LAPTM4B: variants seen among roughly 807,000 people sequenced by gnomAD.
LAPTM4B encodes lysosomal-associated transmembrane protein 4B.
LAPTM4B carries 26 observed loss-of-function variants against 28.5 expected under a neutral mutation model. That is an observed-to-expected ratio of 0.91 (90% confidence interval 0.67 to 1.27). The LOEUF (loss-of-function observed/expected upper bound fraction) is 1.27, where lower values mean the gene tolerates loss of function less well. LAPTM4B is among the 50% of genes most tolerant of loss of function. The pLI, the probability that LAPTM4B is intolerant of heterozygous loss-of-function variation, is 0.00. For missense variants in LAPTM4B, 288 were observed against 285.8 expected (o/e 1.01, Z -0.06); for synonymous variants, 109 against 106.4 (o/e 1.02, Z -0.15).
At chr8:97,786,327 C>T (rs1816399050) in intron 1 of LAPTM4B, among the ~76,000 whole-genome samples, 1 of 151,294 alleles carries the variant, frequency 6.6e-6, no homozygotes, top group African/African-American at 2.4e-5. Flanking sequence ...GAAATTGTTT[C>T]TCAGGAAAAT....
chr8:97,805,342 T>TTTC lies in LAPTM4B; in HGVS notation c.100-11_100-10insTTC. 1 of 1,404,822 alleles carries TTTC rather than the reference T, an allele frequency of 7.1e-7. No individual in the cohort carries two copies. The highest frequency in any genetic ancestry group is 9.9e-7 in the Non-Finnish European group (1 of 1,013,168). 87.0% of individuals were successfully genotyped at this position (1,404,822 alleles called of 1,614,324 possible). On this transcript the variant is annotated splice_polypyrimidine_tract_variant and intron_variant, in intron 1 of 6. Coordinates refer to ENST00000521545, the MANE Select transcript of LAPTM4B (RefSeq NM_018407.6). ...TTAAATTCTTTTTTTTTTTTTTTTT[T>TTTC]CTTGTTGCAGATCATCAATGCTGTG...
chr8:97,845,861 C>A (rs866835258), intron 6 of LAPTM4B, among the ~76,000 whole-genome samples: 2 of 32,466 alleles, frequency 6.2e-5, no homozygotes, highest in African/African-American at 1.2e-4. Context: ...CTTTTCCCCC[C>A]CCTTCCACTC....
intron 2 of LAPTM4B, among the ~76,000 whole-genome samples, chr8:97,806,847 C>A (rs1352452004): frequency 6.6e-6 from 1 of 152,096 alleles, no homozygotes; most frequent in South Asian, 2.1e-4. Flanking sequence ...ATCCCAGCTA[C>A]TTGGGAGGCT....
intron 5 of LAPTM4B, among the ~76,000 whole-genome samples, chr8:97,823,467 C>G (rs2129810346): frequency 6.6e-6 from 1 of 151,650 alleles, no homozygotes; most frequent in Non-Finnish European, 1.5e-5. Context: ...CTCCACCTCC[C>G]AGGTTCACTT....
At chr8:97,786,106 T>A (rs1378735574) in intron 1 of LAPTM4B, among the ~76,000 whole-genome samples, 1 of 152,182 alleles carries the variant, frequency 6.6e-6, no homozygotes, top group Non-Finnish European at 1.5e-5. Flanking sequence ...CTAGTGGAAA[T>A]AATGTGTGAG....
intron 6 of LAPTM4B, among the ~76,000 whole-genome samples, chr8:97,837,493 G>A (rs536850533): frequency 2.0e-5 from 3 of 152,218 alleles, no homozygotes; most frequent in East Asian, 1.9e-4. Context: ...TATTACTTCC[G>A]AGTATAGTTT....
Position 97,815,408 on chromosome 8 carries a change from C to A in LAPTM4B, c.285+7C>A, listed in dbSNP as rs7818662. ...TACTTACGGAGCGTACAAGGTAAGC[C>A]GCTTGCAGTAAGATGCTGGCCTTTT... On this transcript the variant is annotated splice_region_variant and intron_variant, in intron 3 of 6. Transcript: ENST00000521545. 0.48 allele frequency: 761,594 copies of A among 1,582,554 alleles called. 182,812 individuals are homozygous for A. The highest frequency in any genetic ancestry group is 0.56 in the East Asian group (25,009 of 44,794).
chr8:97,776,215 G>A, intron 1 of LAPTM4B, 107 bp downstream of exon 1: 2 of 1,247,462 alleles, frequency 1.6e-6, no homozygotes, highest in Non-Finnish European at 2.1e-6. Flanking sequence ...TCCGCCTAAA[G>A]TTGTATTATT....
chr8:97,795,837 TAAA>T (rs1190473113), intron 1 of LAPTM4B, among the ~76,000 whole-genome samples: 5 of 114,122 alleles, frequency 4.4e-5, no homozygotes, highest in Non-Finnish European at 6.9e-5. Flanking sequence ...ACTCTGTCTT[TAAA>T]AAAAAAAAAA....
At chr8:97,785,171 C>T (rs1339418328) in intron 1 of LAPTM4B, among the ~76,000 whole-genome samples, 1 of 151,178 alleles carries the variant, frequency 6.6e-6, no homozygotes, top group African/African-American at 2.4e-5. Flanking sequence ...CTGCAACCTC[C>T]ACCTCCCGGG....
intron 1 of LAPTM4B, 44 bp from the exon 2 acceptor site, chr8:97,805,309 G>A (rs767761732): frequency 4.4e-6 from 5 of 1,125,736 alleles, no homozygotes; most frequent in Non-Finnish European, 6.5e-6. Flanking sequence ...ATTGCATCCT[G>A]GGGTTACTTA....
In LAPTM4B at chr8:97,812,227, G is replaced by GTTT. The variant is rs55878345; in HGVS notation, c.212-3093_212-3091dup. On this transcript the variant is annotated intron_variant, in intron 2 of 6. Transcript: ENST00000521545. ...ATTTGTTTTTTTTTTGTTGTTTTTTGTTTTTTTTTTGAGTCGGAGTCTGAC... is the reference window on the plus strand; with the variant it reads ...ATTTGTTTTTTTTTTGTTGTTTTTTGTTTTTTTTTTTTTGAGTCGGAGTCTGAC... 5.6e-5 allele frequency among the ~76,000 whole-genome samples: 5 copies of GTTT among 89,096 alleles called. 1 individual carries two copies. Among genetic ancestry groups the GTTT allele is most frequent in the Non-Finnish European group, 8.5e-5 (4 of 47,098 alleles). 58.5% of individuals were successfully genotyped at this position (89,096 alleles called of 152,430 possible).
intron 6 of LAPTM4B, among the ~76,000 whole-genome samples, chr8:97,831,794 G>T (rs550416022): frequency 2.0e-5 from 3 of 152,162 alleles, no homozygotes; most frequent in Non-Finnish European, 2.9e-5. Context: ...TGCCTCTTTC[G>T]CTGTTTTGTG....
At chr8:97,792,210 T>C (rs991722947) in intron 1 of LAPTM4B, among the ~76,000 whole-genome samples, 5 of 152,144 alleles carry the variant, frequency 3.3e-5, no homozygotes, top group African/African-American at 1.2e-4. Context: ...GAGTGGCTCA[T>C]TTTCCTGCTT....
chr8:97,825,050 A>G lies in LAPTM4B; in HGVS notation c.508-8A>G, dbSNP rs888597694. On this transcript the variant is annotated splice_polypyrimidine_tract_variant and splice_region_variant and intron_variant, in intron 5 of 6. Coordinates refer to ENST00000521545, the MANE Select transcript of LAPTM4B (RefSeq NM_018407.6). ...ATTAAAAATCTGATAATCACTCCTC[A>G]TTTTCAGGGTTACTTGATTAGCTGT... 4.0e-6 allele frequency: 6 copies of G among 1,483,658 alleles called. No homozygotes were observed. The highest frequency in any genetic ancestry group is 5.6e-6 in the Non-Finnish European group (6 of 1,063,590). 91.9% of individuals were successfully genotyped at this position (1,483,658 alleles called of 1,614,324 possible).
intron 2 of LAPTM4B, 127 bp downstream of exon 2, chr8:97,805,591 G>A (rs117474796): frequency 0.029 from 18,800 of 653,154 alleles, 381 homozygotes; most frequent in Non-Finnish European, 0.036. Flanking sequence ...GCAAATCAAC[G>A]AATATTTGTG....
At chr8:97,806,899 A>G (rs947274727) in intron 2 of LAPTM4B, among the ~76,000 whole-genome samples, 4 of 152,128 alleles carry the variant, frequency 2.6e-5, no homozygotes, top group African/African-American at 9.7e-5. Flanking sequence ...CGGAGGTTGC[A>G]GTGAGCCGAG....
In LAPTM4B at chr8:97,842,022, G is replaced by A. The variant is rs528243731; in HGVS notation, c.604-9375G>A. 1.6e-4 allele frequency among the ~76,000 whole-genome samples: 24 copies of A among 152,236 alleles called. No homozygotes were observed. The South Asian group carries it at 2.7e-3, about 17-fold the overall frequency. ...TTCCAAGGTTACAATTAAGGGCAGC[G>A]CTTTTCCTTAGTGCAGGCAAAGGCA... On this transcript the variant is annotated intron_variant, in intron 6 of 6. Coordinates refer to ENST00000521545, the MANE Select transcript of LAPTM4B (RefSeq NM_018407.6).
chr8:97,801,843 CAAAAAAA>C (rs34138394), intron 1 of LAPTM4B, among the ~76,000 whole-genome samples: 1 of 131,364 alleles, frequency 7.6e-6, no homozygotes. Context: ...AACTCCATCT[CAAAAAAA>C]AAAAAAAAAA....
Sources: gnomAD v4.1 joint callset for allele counts (sites outside exome capture counted in the v4.1 genomes callset) on GRCh38, gnomAD v4.1.1 for gene constraint, MANE v1.5 for transcripts, NCBI Gene and HGNC (gene_info 2026-07-23, HGNC 2026-07-21) for gene names.